MYO5A: variants seen among roughly 807,000 people sequenced by gnomAD.
MYO5A encodes the protein myosin VA.
In MYO5A, 98 loss-of-function variants were observed where a neutral mutation model predicts 249.7. That is an observed-to-expected ratio of 0.39 (90% confidence interval 0.33 to 0.46). The LOEUF is 0.46. Ranked by LOEUF, MYO5A falls within the 20% of genes least tolerant of loss-of-function variation. The probability of loss-of-function intolerance (pLI) is 0.98; values close to 1 mark genes in which losing one functional copy is unlikely to be tolerated. For missense variants in MYO5A, 1,696 were observed against 2,308.8 expected (o/e 0.73, Z 5.44); for synonymous variants, 778 against 810.6 (o/e 0.96, Z 0.68).
At chr15:52,525,928 T>C (rs923462713) in intron 1 of MYO5A, among the ~76,000 whole-genome samples, 4 of 152,270 alleles carry the variant, frequency 2.6e-5, no homozygotes, top group Admixed American at 1.3e-4. Flanking sequence ...TATGAGCGTG[T>C]TGAGGGAAAG....
intron 1 of MYO5A, among the ~76,000 whole-genome samples, chr15:52,489,361 A>G (rs1567173769): frequency 2.6e-5 from 4 of 151,862 alleles, no homozygotes; most frequent in East Asian, 2.0e-4. Flanking sequence ...TCAGGAGATC[A>G]AGACCATCCT....
At chr15:52,479,431 A>G (rs1159985821) in intron 1 of MYO5A, among the ~76,000 whole-genome samples, 2 of 152,090 alleles carry the variant, frequency 1.3e-5, no homozygotes, top group East Asian at 3.8e-4. Context: ...GAATTTTTTC[A>G]AATTGTTGCA....
intron 1 of MYO5A, among the ~76,000 whole-genome samples, chr15:52,458,589 C>T (rs2076167611): frequency 6.6e-6 from 1 of 151,418 alleles, no homozygotes; most frequent in African/African-American, 2.4e-5. Context: ...CATTGCACTC[C>T]AGCCCTGCAC....
Position 52,343,122 on chromosome 15 carries a change from G to A in MYO5A, c.4035C>T (p.Ala1345=), listed in dbSNP as rs2039457301. 1 of 1,610,200 alleles carries A rather than the reference G, an allele frequency of 6.2e-7. No homozygotes were observed. The highest frequency in any genetic ancestry group is 8.5e-7 in the Non-Finnish European group (1 of 1,176,648). ...TTTGAGGAGACAAATATAACCTGTT[G>A]GCTTGTTTTAACCCTTCATAAACCA... ...LWLVYEGLKQ[A]NRLLESQLQS... is the part of the protein sequence containing the mutation. The change falls in exon 31 of 42, where the codon GCC becomes GCT. Residue 1345 remains alanine, a synonymous_variant. Transcript: ENST00000399233.
intron 1 of MYO5A, among the ~76,000 whole-genome samples, chr15:52,467,093 C>T (rs2076368639): frequency 2.0e-5 from 3 of 152,180 alleles, no homozygotes; most frequent in Admixed American, 2.0e-4. Context: ...TTCAGATACA[C>T]AGAAATCAAC....
At chr15:52,383,973 T>C (rs2041869765) in intron 15 of MYO5A, among the ~76,000 whole-genome samples, 188 bp downstream of exon 15, 1 of 152,222 alleles carries the variant, frequency 6.6e-6, no homozygotes, top group South Asian at 2.1e-4. Flanking sequence ...GGGAAAGGCT[T>C]ATGCAGAGTC....
At chr15:52,522,102 C>G (rs1249845901) in intron 1 of MYO5A, among the ~76,000 whole-genome samples, 1 of 152,156 alleles carries the variant, frequency 6.6e-6, no homozygotes, top group African/African-American at 2.4e-5. Flanking sequence ...TAAGGTGGAA[C>G]CATAGCATTC....
chr15:52,515,288 A>G (rs2077474147), intron 1 of MYO5A, among the ~76,000 whole-genome samples: 1 of 151,250 alleles, frequency 6.6e-6, no homozygotes. Context: ...AGAAAAAAAA[A>G]AGAAAGAAAG....
intron 4 of MYO5A, 70 bp downstream of exon 4, chr15:52,425,760 T>A: frequency 6.5e-7 from 1 of 1,549,456 alleles, no homozygotes. Context: ...TTAAAATATA[T>A]GTGACTTAGC....
intron 9 of MYO5A, 65 bp downstream of exon 9, chr15:52,405,222 T>TA: frequency 8.3e-7 from 1 of 1,210,136 alleles, no homozygotes; most frequent in Non-Finnish European, 1.2e-6. Context: ...ATTGCTTCTT[T>TA]AAACAATCTA....
At chr15:52,385,283 TAAC>T (rs1347474279) in intron 14 of MYO5A, among the ~76,000 whole-genome samples, 2 of 152,210 alleles carry the variant, frequency 1.3e-5, no homozygotes, top group Admixed American at 6.5e-5. Flanking sequence ...TTAATCTTCA[TAAC>T]AATTCCATAA....
chr15:52,435,226 C>T (rs984811249), intron 1 of MYO5A, among the ~76,000 whole-genome samples: 1 of 150,500 alleles, frequency 6.6e-6, no homozygotes, highest in Non-Finnish European at 1.5e-5. Context: ...AAAAACATTT[C>T]AGCATGCCAT....
chr15:52,457,489 G>C (rs1595718147), intron 1 of MYO5A, among the ~76,000 whole-genome samples: 2 of 150,878 alleles, frequency 1.3e-5, no homozygotes, highest in East Asian at 1.9e-4. Flanking sequence ...CATATAAATG[G>C]CTAACAGGTA....
intron 1 of MYO5A, among the ~76,000 whole-genome samples, chr15:52,528,318 A>C (rs1170612049): frequency 2.0e-5 from 3 of 152,204 alleles, no homozygotes; most frequent in African/African-American, 7.2e-5. Flanking sequence ...AACCTCACAG[A>C]AAGGCTAGCT....
chr15:52,422,177 T>C (rs1035947243), intron 4 of MYO5A, among the ~76,000 whole-genome samples: 1 of 152,160 alleles, frequency 6.6e-6, no homozygotes, highest in African/African-American at 2.4e-5. Flanking sequence ...TAAAAGGCTA[T>C]TCTAGGAAGG....
rs3985806 is a variant in MYO5A at position 52,367,870 on chromosome 15, A to AACACACACACAC, written c.3067-758_3067-747dup. Among the ~76,000 whole-genome samples, 721 of 141,866 alleles carry AACACACACACAC rather than the reference A, an allele frequency of 5.1e-3. 6 individuals carry two copies. The highest frequency in any genetic ancestry group is 0.017 in the African/African-American group (648 of 37,536). The allele number at this position is 141,866 out of a possible 152,430, so 93.1% of individuals were successfully genotyped here. On this transcript the variant is annotated intron_variant, in intron 22 of 41. Transcript: ENST00000399233. ...AAATTTTATGTCATGTATATTTTAAAACACACACACACACACACACACACA... is the reference window on the plus strand; with the variant it reads ...AAATTTTATGTCATGTATATTTTAAAACACACACACACACACACACACACACACACACACACA...
At position 52,343,109 on chromosome 15, in the gene MYO5A, A is replaced by T. The variant is rs1421055640; in HGVS notation, c.4040+8T>A. 1 of 1,605,442 alleles carries T rather than the reference A, an allele frequency of 6.2e-7. No individual in the cohort carries two copies. The highest frequency in any genetic ancestry group is 8.5e-7 in the Non-Finnish European group (1 of 1,172,196). On this transcript the variant is annotated splice_region_variant and intron_variant, in intron 31 of 41. Transcript: ENST00000399233. ...AATAACATTCCATTTTGAGGAGACA[A>T]ATATAACCTGTTGGCTTGTTTTAAC... is the stretch of plus-strand genomic sequence containing the variant.
chr15:52,358,890 A>G (rs1383386620), intron 25 of MYO5A, among the ~76,000 whole-genome samples: 1 of 152,210 alleles, frequency 6.6e-6, no homozygotes. Context: ...TGTTATATCC[A>G]TGGGCCCCAG....
At chr15:52,526,648 G>T (rs1436129589) in intron 1 of MYO5A, among the ~76,000 whole-genome samples, 1 of 152,134 alleles carries the variant, frequency 6.6e-6, no homozygotes, top group Non-Finnish European at 1.5e-5. Flanking sequence ...GAGCTACCGT[G>T]CCCAGCCTAA....
Sources: allele counts gnomAD v4.1 joint callset (sites outside exome capture counted in the v4.1 genomes callset), GRCh38; gene constraint gnomAD v4.1.1; transcripts MANE v1.5; gene names NCBI Gene and HGNC (gene_info 2026-07-23, HGNC 2026-07-21).